EDC4: variants seen among roughly 807,000 people sequenced by gnomAD.
EDC4 encodes the protein enhancer of mRNA-decapping protein 4.
In EDC4, 64 loss-of-function variants were observed where a neutral mutation model predicts 155.8. That is an observed-to-expected ratio of 0.41 (90% CI 0.34 to 0.51). The LOEUF (loss-of-function observed/expected upper bound fraction) is 0.51. EDC4 is among the 20% of genes least tolerant of loss of function. The probability of loss-of-function intolerance (pLI) is 0.19; values close to 1 mark genes in which losing one functional copy is unlikely to be tolerated. For missense variants in EDC4, 1,303 were observed against 1,812.5 expected, an observed-to-expected ratio of 0.72 and a Z score of 5.10; for synonymous variants, 684 against 716.8, an observed-to-expected ratio of 0.95 and a Z score of 0.73.
chr16:67,882,627 G>A lies in EDC4; in HGVS notation c.3442+33G>A, dbSNP rs779924212. The A allele has an allele frequency of 6.2e-7, 1 of 1,614,098 alleles. No individual in the cohort carries two copies. Among genetic ancestry groups the A allele is most frequent in the Non-Finnish European group, 8.5e-7 (1 of 1,180,044 alleles). On this transcript the variant is annotated intron_variant, in intron 25 of 28. Transcript: ENST00000358933. The surrounding 1 kb of genome is among the most constrained non-coding windows in gnomAD (Gnocchi z 7.2). ...GGGTCATATGGCCCAAGGTGGGAGG[G>A]GTTATCCTCTTTCCTACTGTTCCTC... is the stretch of plus-strand genomic sequence containing the variant.
At position 67,881,149 on chromosome 16, in the gene EDC4, C is replaced by T. The variant is rs371369902; in HGVS notation, c.2605C>T (p.Arg869Cys). The change falls in exon 19 of 29, where the codon CGT becomes TGT. Residue 869 changes from arginine to cysteine, a missense_variant. Coordinates refer to ENST00000358933, the MANE Select transcript of EDC4 (RefSeq NM_014329.5). This position sits in a 1 kb window ranked among gnomAD's most constrained non-coding sequence, Gnocchi z 5.4. ...ACCACCATATCACCTGCTGCAGCAA[C>T]GTGACAGCCAGGATGCCAGTGCTGA... The part of the protein sequence containing the change: ...HRPPYHLLQQ[R>C]DSQDASAEQS... 3.1e-6 allele frequency: 5 copies of T among 1,613,994 alleles called. No individual in the cohort carries two copies. Among genetic ancestry groups the T allele is most frequent in the African/African-American group, 2.7e-5 (2 of 74,918 alleles).
Position 67,876,477 on chromosome 16 carries a change from C to A in EDC4, c.240-11C>A. The A allele has an allele frequency of 1.2e-6, 2 of 1,613,408 alleles. No individual in the cohort carries two copies. Among genetic ancestry groups the A allele is most frequent in the Non-Finnish European group, 1.7e-6 (2 of 1,179,724 alleles). On this transcript the variant is annotated splice_polypyrimidine_tract_variant and intron_variant, in intron 2 of 28. Transcript: ENST00000358933. This position sits in a 1 kb window ranked among gnomAD's most constrained non-coding sequence, Gnocchi z 5.8. ...GAACAAGAGGCAAAGTTTTTGCACT[C>A]TTCCCCACAGCTGTCTCTCAGGAGA...
chr16:67,877,191 A>G lies in EDC4; in HGVS notation c.452-26A>G, dbSNP rs748188190. 1.3e-6 allele frequency: 2 copies of G among 1,598,512 alleles called. No individual in the cohort carries two copies. The highest frequency in any genetic ancestry group is 1.7e-4 in the Middle Eastern group (1 of 6,012). ...ACTGCCTGAGCCTGGATACGTATTC[A>G]TGGTCCACTGCTCTCCTGATTCCAG... On this transcript the variant is annotated intron_variant, in intron 4 of 28. Transcript: ENST00000358933. The surrounding 1 kb of genome is among the most constrained non-coding windows in gnomAD (Gnocchi z 4.9).
At position 67,877,408 on chromosome 16, in the gene EDC4, T is replaced by C. The variant is rs1186341967; in HGVS notation, c.641+2T>C. 2.5e-6 allele frequency: 4 copies of C among 1,612,288 alleles called. No individual in the cohort carries two copies. Among genetic ancestry groups the C allele is most frequent in the Non-Finnish European group, 3.4e-6 (4 of 1,179,068 alleles). On this transcript the variant is annotated splice_donor_variant, in intron 5 of 28. Transcript: ENST00000358933. LOFTEE classifies it high-confidence loss of function. This position sits in a 1 kb window ranked among gnomAD's most constrained non-coding sequence, Gnocchi z 4.9. The stretch of plus-strand genomic sequence containing the variant: ...GGCTCTGGTTAATGGCAAAATTCAG[T>C]ATCCATTCCTTCCTGTGGGTGGTGG...
At position 67,880,925 on chromosome 16, in the gene EDC4, T is replaced by G. The variant is rs766868812; in HGVS notation, c.2466T>G (p.Pro822=). The G allele has an allele frequency of 1.2e-5, 19 of 1,613,838 alleles. No homozygotes were observed. Among genetic ancestry groups the G allele is most frequent in the Non-Finnish European group, 1.4e-5 (17 of 1,179,978 alleles). ...CCTTGACCCAGGAGGCCTCGACTCC[T>G]GACAGTCAGGTTTGGCCCACAGCAC... ...EAALTQEAST[P]DSQVWPTAPD... Residue 822 remains proline (P), a synonymous_variant, in exon 18 of 29, where the codon CCT becomes CCG. Coordinates refer to ENST00000358933, the MANE Select transcript of EDC4 (RefSeq NM_014329.5). The surrounding 1 kb of genome is among the most constrained non-coding windows in gnomAD (Gnocchi z 5.2).
chr16:67,878,042 G>A lies in EDC4; in HGVS notation c.895-124G>A. 2.0e-6 allele frequency: 3 copies of A among 1,514,332 alleles called. No individual in the cohort carries two copies. Among genetic ancestry groups the A allele is most frequent in the Non-Finnish European group, 8.9e-7 (1 of 1,125,860 alleles). 93.8% of individuals were successfully genotyped at this position (1,514,332 alleles called of 1,614,324 possible). The stretch of plus-strand genomic sequence containing the variant: ...AGGTCTGGCCTTCTCTAGGAACCCT[G>A]TTCATTTAGTCAGTCACACAAGCAT... On this transcript the variant is annotated intron_variant, in intron 7 of 28. Transcript: ENST00000358933. This position sits in a 1 kb window ranked among gnomAD's most constrained non-coding sequence, Gnocchi z 5.2.
chr16:67,876,415 T>C lies in EDC4; in HGVS notation c.240-73T>C. ...TACCTTCCCCAGTCTGGCTATGTCCTCGCTTCCTCCCAACCCTGCCCGCTG... is the reference window on the plus strand; with the variant it reads ...TACCTTCCCCAGTCTGGCTATGTCCCCGCTTCCTCCCAACCCTGCCCGCTG... On this transcript the variant is annotated intron_variant, in intron 2 of 28. Coordinates refer to ENST00000358933, the MANE Select transcript of EDC4 (RefSeq NM_014329.5). This position sits in a 1 kb window ranked among gnomAD's most constrained non-coding sequence, Gnocchi z 5.8. The C allele has an allele frequency of 6.4e-7, 1 of 1,571,074 alleles. No homozygotes were observed. The highest frequency in any genetic ancestry group is 8.6e-7 in the Non-Finnish European group (1 of 1,156,326).
rs76483578 is a variant in EDC4 at position 67,879,394 on chromosome 16, C to T, written c.1542-18C>T. ...CTTGCCCTTGGAGCACTTTATTCTC[C>T]CCCTTCTTTTCCTGCAGGGCACTGC... is the stretch of plus-strand genomic sequence containing the variant. On this transcript the variant is annotated intron_variant, in intron 13 of 28. Coordinates refer to ENST00000358933, the MANE Select transcript of EDC4 (RefSeq NM_014329.5). The surrounding 1 kb of genome is among the most constrained non-coding windows in gnomAD (Gnocchi z 6.0). 17,277 of 1,614,156 alleles carry T rather than the reference C, an allele frequency of 0.011. 661 individuals carry two copies. The African/African-American group carries it at 0.13, about 12-fold the overall frequency.
At position 67,881,224 on chromosome 16, in the gene EDC4, G is replaced by A. The variant is rs763653084; in HGVS notation, c.2637-41G>A. On this transcript the variant is annotated intron_variant, in intron 19 of 28. Coordinates refer to ENST00000358933, the MANE Select transcript of EDC4 (RefSeq NM_014329.5). This position sits in a 1 kb window ranked among gnomAD's most constrained non-coding sequence, Gnocchi z 5.4. Reference sequence around the variant, plus strand: ...CATTGCCCTCATGGGGGGATGGGCAGCAAGTGGGCAGGGGCTTACTCCTCC... The same window carrying A: ...CATTGCCCTCATGGGGGGATGGGCAACAAGTGGGCAGGGGCTTACTCCTCC... The A allele has an allele frequency of 5.0e-6, 8 of 1,614,070 alleles. No homozygotes were observed. Among genetic ancestry groups the A allele is most frequent in the Non-Finnish European group, 6.8e-6 (8 of 1,179,994 alleles).
Position 67,883,439 on chromosome 16 carries a change from C to T in EDC4, c.3850-129C>T. The T allele has an allele frequency of 1.4e-6, 2 of 1,429,906 alleles. No individual in the cohort carries two copies. Among genetic ancestry groups the T allele is most frequent in the Non-Finnish European group, 1.9e-6 (2 of 1,048,698 alleles). 88.6% of individuals were successfully genotyped at this position (1,429,906 alleles called of 1,614,324 possible). On this transcript the variant is annotated intron_variant, in intron 27 of 28. Coordinates refer to ENST00000358933, the MANE Select transcript of EDC4 (RefSeq NM_014329.5). This position sits in a 1 kb window ranked among gnomAD's most constrained non-coding sequence, Gnocchi z 5.3. ...GGGTAACTACACAGCCCTACAGGCT[C>T]TCTCTGAGTCCCTCTGGAGCTCTCA...
chr16:67,877,422 T>C lies in EDC4; in HGVS notation c.641+16T>C, dbSNP rs1426088964. On this transcript the variant is annotated intron_variant, in intron 5 of 28. Transcript: ENST00000358933. This position sits in a 1 kb window ranked among gnomAD's most constrained non-coding sequence, Gnocchi z 4.9. ...GCAAAATTCAGTATCCATTCCTTCCTGTGGGTGGTGGGACTGAAGAAGGGT... is the reference window on the plus strand; with the variant it reads ...GCAAAATTCAGTATCCATTCCTTCCCGTGGGTGGTGGGACTGAAGAAGGGT... 1 of 1,611,436 alleles carries C rather than the reference T, an allele frequency of 6.2e-7. No homozygotes were observed. The highest frequency in any genetic ancestry group is 8.5e-7 in the Non-Finnish European group (1 of 1,178,304).
At position 67,884,433 on chromosome 16, in the gene EDC4, C is replaced by T; in HGVS notation, c.*285C>T. On this transcript the variant is annotated 3_prime_UTR_variant, in exon 29 of 29. Coordinates refer to ENST00000358933, the MANE Select transcript of EDC4 (RefSeq NM_014329.5). The surrounding 1 kb of genome is among the most constrained non-coding windows in gnomAD (Gnocchi z 4.1). Reference sequence around the variant, plus strand: ...TGGAATTTTCCATGTTCCTTTTTACCTCTAATTTGGATCTTTTTGTTTTTG... The same window carrying T: ...TGGAATTTTCCATGTTCCTTTTTACTTCTAATTTGGATCTTTTTGTTTTTG... 1 of 533,166 alleles carries T rather than the reference C, an allele frequency of 1.9e-6. No homozygotes were observed. Among genetic ancestry groups the T allele is most frequent in the Non-Finnish European group, 3.3e-6 (1 of 302,804 alleles). The allele number at this position is 533,166 out of a possible 1,614,324, so 33.0% of individuals were successfully genotyped here. A position where few individuals can be genotyped will look rare whatever the true frequency, so the allele number is the denominator to read the frequency against.
Position 67,879,688 on chromosome 16 carries a change from G to T in EDC4, c.1735G>T (p.Ala579Ser). The change falls in exon 15 of 29, where the codon GCC (alanine) becomes TCC (serine). Residue 579 changes from alanine (A) to serine (S), a missense_variant. This residue lies in a region of EDC4 where 391 missense variants were observed against 445.4 expected (regional missense o/e 0.88). Coordinates refer to ENST00000358933, the MANE Select transcript of EDC4 (RefSeq NM_014329.5). The surrounding 1 kb of genome is among the most constrained non-coding windows in gnomAD (Gnocchi z 6.0). ...ACGAATCGTGGAGCTGCCTGCACCT[G>T]CCGACTTCCTCAGTCTGAGCAGTGA... ...LRRIVELPAP[A>S]DFLSLSSETK... 1 of 1,614,170 alleles carries T rather than the reference G, an allele frequency of 6.2e-7. No homozygotes were observed. The highest frequency in any genetic ancestry group is 1.1e-5 in the South Asian group (1 of 91,086).
In EDC4 at chr16:67,877,452, G is replaced by A. The variant is rs780977907; in HGVS notation, c.641+46G>A. 10 of 1,610,520 alleles carry A rather than the reference G, an allele frequency of 6.2e-6. No individual in the cohort carries two copies. The highest frequency in any genetic ancestry group is 5.0e-5 in the Admixed American group (3 of 59,906). Reference sequence around the variant, plus strand: ...GTGGTGGGACTGAAGAAGGGTGGGCGGAGCTGGGGTGTCACGCCTCTTCAT... The same window carrying A: ...GTGGTGGGACTGAAGAAGGGTGGGCAGAGCTGGGGTGTCACGCCTCTTCAT... On this transcript the variant is annotated intron_variant, in intron 5 of 28. Coordinates refer to ENST00000358933, the MANE Select transcript of EDC4 (RefSeq NM_014329.5). This position sits in a 1 kb window ranked among gnomAD's most constrained non-coding sequence, Gnocchi z 4.9.
In EDC4 at chr16:67,876,724, C is replaced by A; in HGVS notation, c.351+125C>A. ...CTTTCCCAGTTTCAGGAAGCCAGGG[C>A]TGGGTGCCAAGCCTCTGTGGGAGTC... On this transcript the variant is annotated intron_variant, in intron 3 of 28. Transcript: ENST00000358933. The surrounding 1 kb of genome is among the most constrained non-coding windows in gnomAD (Gnocchi z 5.8). The A allele has an allele frequency of 6.4e-7, 1 of 1,555,062 alleles. No individual in the cohort carries two copies. Among genetic ancestry groups the A allele is most frequent in the Non-Finnish European group, 8.7e-7 (1 of 1,148,034 alleles).
At chr16:67,875,837 AGTTGAGT>A (rs1248937757) in intron 1 of EDC4, 101 bp from the exon 2 acceptor site, 29 of 1,510,720 alleles carry the variant, frequency 1.9e-5, no homozygotes, top group Non-Finnish European at 2.4e-5. Context: ...TGCTTTGCTC[AGTTGAGT>A]GTTCCTAGAG....
At position 67,881,643 on chromosome 16, in the gene EDC4, G is replaced by A. The variant is rs573836924; in HGVS notation, c.2827-25G>A. The stretch of plus-strand genomic sequence containing the variant: ...TGTGGGAATAGGTGGGGCAGGCATC[G>A]TGTGACTGTCAGTGCTACTGACAGG... On this transcript the variant is annotated intron_variant, in intron 21 of 28. Transcript: ENST00000358933. The surrounding 1 kb of genome is among the most constrained non-coding windows in gnomAD (Gnocchi z 5.4). The A allele has an allele frequency of 3.5e-5, 56 of 1,610,550 alleles. 1 individual carries two copies. The highest frequency in any genetic ancestry group is 3.1e-4 in the South Asian group (28 of 91,040).
chr16:67,883,546 C>G lies in EDC4; in HGVS notation c.3850-22C>G, dbSNP rs563169730. ...TCCATCCTGATATTTGCTATAAACA[C>G]TGCTGCTTTTTTCTCCTCCAGGCGC... is the stretch of plus-strand genomic sequence containing the variant. On this transcript the variant is annotated intron_variant, in intron 27 of 28. Transcript: ENST00000358933. The surrounding 1 kb of genome is among the most constrained non-coding windows in gnomAD (Gnocchi z 5.3). 1.5e-5 allele frequency: 24 copies of G among 1,611,352 alleles called. No homozygotes were observed. The South Asian group carries it at 2.2e-4, about 15-fold the overall frequency.
rs777562314 is a variant in EDC4 at position 67,878,748 on chromosome 16, A to G, written c.1196A>G (p.Asp399Gly). ...TTGTGGCTCTCTAGCTTCTCCCCAG[A>G]TATCTTCAGCTCAGTGAGTGTGCCC... ...TCLQTIRFSPDIFSSVSVPPS... is the reference protein window; with the variant it reads ...TCLQTIRFSPGIFSSVSVPPS... The change falls in exon 11 of 29, where the codon GAT becomes GGT. Residue 399 changes from aspartate (D) to glycine (G), a missense_variant. Physicochemically the swap from Asp to Gly is moderately conservative, Grantham distance 94. This residue lies in a region of EDC4 where 235 missense variants were observed against 367.7 expected (regional missense o/e 0.64). Coordinates refer to ENST00000358933, the MANE Select transcript of EDC4 (RefSeq NM_014329.5). The surrounding 1 kb of genome is among the most constrained non-coding windows in gnomAD (Gnocchi z 5.2). The G allele has an allele frequency of 2.5e-6, 4 of 1,614,000 alleles. No homozygotes were observed. In the East Asian group the frequency reaches 8.9e-5, roughly 36 times the overall value.
Sources: gnomAD v4.1 joint callset for allele counts on GRCh38, gnomAD v4.1.1 for gene constraint, gnomAD v4.1.1 regional missense constraint, Gnocchi (gnomAD v3.1) non-coding constraint, MANE v1.5 for transcripts, NCBI Gene and HGNC (gene_info 2026-07-23, HGNC 2026-07-21) for gene names.